The following CAMTA1 variants were observed in gnomAD, a reference collection of about 807,000 sequenced individuals.
The protein encoded by CAMTA1 is calmodulin-binding transcription activator 1.
CAMTA1 carries 27 observed loss-of-function variants against 170.9 expected under a neutral mutation model. The ratio of observed to expected loss-of-function variants is 0.16; its 90% CI spans 0.12 to 0.22. The LOEUF is 0.22. CAMTA1 is among the 10% of genes least tolerant of loss of function. CAMTA1 has a pLI of 1.00. For synonymous variants in CAMTA1, 833 were observed against 891.5 expected (o/e 0.93, Z 1.17); for missense variants, 1,619 against 2,217.2 (o/e 0.73, Z 5.42).
chr1:7,639,658 A>C (rs2095745097), intron 6 of CAMTA1, among the ~76,000 whole-genome samples: 1 of 152,142 alleles, frequency 6.6e-6, no homozygotes, highest in Non-Finnish European at 1.5e-5. Flanking sequence ...CTGTAGTCCC[A>C]GCCTCAGGAG....
intron 4 of CAMTA1, among the ~76,000 whole-genome samples, chr1:7,222,478 C>A (rs983352072): frequency 6.6e-6 from 1 of 152,156 alleles, no homozygotes; most frequent in Non-Finnish European, 1.5e-5. Flanking sequence ...TATTTAGGAA[C>A]GTGTCCTTGC....
At chr1:7,650,711 C>T (rs2095843520) in intron 7 of CAMTA1, among the ~76,000 whole-genome samples, 1 of 152,148 alleles carries the variant, frequency 6.6e-6, no homozygotes, top group African/African-American at 2.4e-5. Flanking sequence ...TCAGCCTCTG[C>T]GCTCCTCGAA....
At chr1:7,657,354 G>T (rs1391588774) in intron 7 of CAMTA1, among the ~76,000 whole-genome samples, 1 of 152,212 alleles carries the variant, frequency 6.6e-6, no homozygotes, top group Non-Finnish European at 1.5e-5. Flanking sequence ...AGGCCATTCT[G>T]CCTGAGAACG....
At chr1:6,938,876 AAG>A (rs1685923793) in intron 3 of CAMTA1, among the ~76,000 whole-genome samples, 1 of 152,184 alleles carries the variant, frequency 6.6e-6, no homozygotes, top group Non-Finnish European at 1.5e-5. Context: ...TGGCCACCAG[AAG>A]ATGGAGACGT....
At position 7,736,580 on chromosome 1, in the gene CAMTA1, C is replaced by T. The variant is rs748323106; in HGVS notation, c.3263+40C>T. ...CAGCTGGCTGGGGGTCAGCCTCGCA[C>T]ATCCTCGCTCACATTCTTCCTGAGC... On this transcript the variant is annotated intron_variant, in intron 13 of 22. Coordinates refer to ENST00000303635, the MANE Select transcript of CAMTA1 (RefSeq NM_015215.4). The surrounding 1 kb of genome is among the most constrained non-coding windows in gnomAD (Gnocchi z 4.5). The T allele has an allele frequency of 2.5e-6, 4 of 1,586,478 alleles. No homozygotes were observed. Among genetic ancestry groups the T allele is most frequent in the East Asian group, 2.2e-5 (1 of 44,686 alleles).
At position 7,230,432 on chromosome 1, in the gene CAMTA1, A is replaced by ACC. The variant is rs66934266; in HGVS notation, c.303-19048_303-19047dup. On this transcript the variant is annotated intron_variant, in intron 4 of 22. Transcript: ENST00000303635. The stretch of plus-strand genomic sequence containing the variant: ...TTGGCTGGGCTGCTGCTCTGGGCTG[A>ACC]CCCCCCCCCCCCGCCCCGCAAAGCT... 4.2e-4 allele frequency among the ~76,000 whole-genome samples: 16 copies of ACC among 38,246 alleles called. 2 individuals carry two copies. The East Asian group carries it at 5.7e-3, about 14-fold the overall frequency. 25.1% of individuals were successfully genotyped at this position (38,246 alleles called of 152,430 possible). A position where few individuals can be genotyped will look rare whatever the true frequency, so the allele number is the denominator to read the frequency against.
rs534025990 is a variant in CAMTA1, at chr1:7,119,429, A to G, written c.302+28058A>G. Among the ~76,000 whole-genome samples, 5 of 152,268 alleles carry G rather than the reference A, an allele frequency of 3.3e-5. No individual in the cohort carries two copies. In the South Asian group the frequency reaches 1.0e-3, roughly 32 times the overall value. On this transcript the variant is annotated intron_variant, in intron 4 of 22. Coordinates refer to ENST00000303635, the MANE Select transcript of CAMTA1 (RefSeq NM_015215.4). ...TACCCCTCCTCTTGCCGAAACTAATATAATCCCTGGAAAGGACAGCAGTGA... is the reference window on the plus strand; with the variant it reads ...TACCCCTCCTCTTGCCGAAACTAATGTAATCCCTGGAAAGGACAGCAGTGA...
At chr1:7,735,460 GAAAAA>G (rs954079854) in intron 12 of CAMTA1, among the ~76,000 whole-genome samples, 1 of 146,176 alleles carries the variant, frequency 6.8e-6, no homozygotes, top group Non-Finnish European at 1.5e-5. Flanking sequence ...AAAAAAAAAA[GAAAAA>G]AGAAGAAGAA....
chr1:7,322,446 G>A (rs972650439), intron 5 of CAMTA1, among the ~76,000 whole-genome samples: 1 of 152,228 alleles, frequency 6.6e-6, no homozygotes, highest in African/African-American at 2.4e-5. Context: ...GCCAGAAATG[G>A]TATGTAAATG....
chr1:6,970,538 A>ATG lies in CAMTA1; in HGVS notation c.235-120763_235-120762dup, dbSNP rs1188275829. Among the ~76,000 whole-genome samples, 2 of 152,060 alleles carry ATG rather than the reference A, an allele frequency of 1.3e-5. No individual in the cohort carries two copies. ...GGTCACTCCAAGGGCCTGGCAAAGG[A>ATG]TGTGGCGACAGGACCCAGGGACTCC... On this transcript the variant is annotated intron_variant, in intron 3 of 22. Transcript: ENST00000303635. The surrounding 1 kb of genome is among the most constrained non-coding windows in gnomAD (Gnocchi z 4.4).
chr1:7,704,172 G>C (rs1372640190), intron 11 of CAMTA1, among the ~76,000 whole-genome samples: 3 of 149,446 alleles, frequency 2.0e-5, no homozygotes, highest in Admixed American at 6.7e-5. Flanking sequence ...CGCCGCCGCA[G>C]GGCGCGCCGG....
chr1:7,564,320 G>A (rs560216893), intron 6 of CAMTA1, among the ~76,000 whole-genome samples: 3 of 152,344 alleles, frequency 2.0e-5, no homozygotes, highest in East Asian at 1.9e-4. Flanking sequence ...CGGAGACGGC[G>A]TGCTGTCTGG....
At chr1:7,622,649 G>A (rs1343077295) in intron 6 of CAMTA1, among the ~76,000 whole-genome samples, 1 of 152,220 alleles carries the variant, frequency 6.6e-6, no homozygotes, top group Non-Finnish European at 1.5e-5. Flanking sequence ...CTATCCTGGT[G>A]ATCTCAAAAT....
chr1:6,977,313 G>C (rs556378398), intron 3 of CAMTA1, among the ~76,000 whole-genome samples: 4 of 152,010 alleles, frequency 2.6e-5, no homozygotes, highest in Non-Finnish European at 5.9e-5. Context: ...TTATGTTGGA[G>C]CCAAGTACTG....
At chr1:7,566,796 C>T (rs556438005) in intron 6 of CAMTA1, among the ~76,000 whole-genome samples, 9 of 152,172 alleles carry the variant, frequency 5.9e-5, no homozygotes, top group Non-Finnish European at 8.8e-5. Flanking sequence ...TGGGCTTCAT[C>T]GTGCGGGGAG....
chr1:7,653,514 C>A (rs2095860582), intron 7 of CAMTA1, among the ~76,000 whole-genome samples: 1 of 152,206 alleles, frequency 6.6e-6, no homozygotes, highest in Non-Finnish European at 1.5e-5. Flanking sequence ...CCACCCTCCC[C>A]AGCCTCCCAA....
intron 6 of CAMTA1, among the ~76,000 whole-genome samples, chr1:7,622,227 T>C (rs543822965): frequency 9.8e-4 from 149 of 152,332 alleles, no homozygotes; most frequent in African/African-American, 3.4e-3. Context: ...TGGCTTTTGA[T>C]ATCCTCAGGT....
At chr1:7,083,518 C>G (rs1640307888) in intron 3 of CAMTA1, among the ~76,000 whole-genome samples, 1 of 152,090 alleles carries the variant, frequency 6.6e-6, no homozygotes. Context: ...TGGACAGGGA[C>G]AGGAATGTTC....
intron 11 of CAMTA1, among the ~76,000 whole-genome samples, chr1:7,713,764 C>G (rs561436804): frequency 6.6e-6 from 1 of 152,212 alleles, no homozygotes; most frequent in East Asian, 1.9e-4. Flanking sequence ...CTTATATGTA[C>G]GTATGTTTCT....
Sources: gnomAD v4.1 joint callset for allele counts (sites outside exome capture counted in the v4.1 genomes callset) on GRCh38, gnomAD v4.1.1 for gene constraint, Gnocchi (gnomAD v3.1) non-coding constraint, MANE v1.5 for transcripts, NCBI Gene and HGNC (gene_info 2026-07-23, HGNC 2026-07-21) for gene names.